Variants in NTAQ1 observed in about 807,000 individuals in gnomAD.
NTAQ1 encodes the protein protein N-terminal glutamine amidohydrolase.
A neutral mutation model predicts 28.2 loss-of-function variants in NTAQ1; 21 were observed. That is an observed-to-expected ratio of 0.74 (90% CI 0.53 to 1.07). The LOEUF (loss-of-function observed/expected upper bound fraction) is 1.07, where lower values mean the gene tolerates loss of function less well. Among genes scored for constraint, NTAQ1 ranks in the 50% least tolerant of loss-of-function variants. The pLI is 0.00. For synonymous variants in NTAQ1, 105 were observed against 90.0 expected, an observed-to-expected ratio of 1.17 and a Z score of -0.94; for missense variants, 264 against 256.6, an observed-to-expected ratio of 1.03 and a Z score of -0.20.
chr8:123,466,096 G>A (rs1349928651), intron 6 of NTAQ1, among the ~76,000 whole-genome samples: 1 of 152,158 alleles, frequency 6.6e-6, no homozygotes, highest in Non-Finnish European at 1.5e-5. Context: ...AGAACCAGGG[G>A]CTGAGGGCAA....
chr8:123,463,611 G>A (rs1010554370), intron 6 of NTAQ1, among the ~76,000 whole-genome samples: 2 of 152,204 alleles, frequency 1.3e-5, no homozygotes, highest in African/African-American at 2.4e-5. Flanking sequence ...TGAGATTGAC[G>A]TGGTATACAG....
exon 7 of NTAQ1, chr8:123,467,315 A>G (rs999831317): frequency 2.0e-5 from 3 of 152,028 alleles, no homozygotes; most frequent in African/African-American, 4.8e-5. Flanking sequence ...GGATTACAGG[A>G]ATGAGCCACT....
At chr8:123,459,308 G>A (rs954071978) in intron 6 of NTAQ1, among the ~76,000 whole-genome samples, 7 of 152,096 alleles carry the variant, frequency 4.6e-5, no homozygotes, top group African/African-American at 1.7e-4. Flanking sequence ...AGGGTCCTGA[G>A]TGCAGGAGCT....
At position 123,437,334 on chromosome 8, in the gene NTAQ1, G is replaced by A; in HGVS notation, c.508G>A (p.Asp170Asn). 6.2e-7 allele frequency: 1 copy of A among 1,613,932 alleles called. No individual in the cohort carries two copies. Among genetic ancestry groups the A allele is most frequent in the Non-Finnish European group, 8.5e-7 (1 of 1,179,858 alleles). Residue 170 changes from aspartate to asparagine, a missense_variant and splice_region_variant, in exon 5 of 6, where the codon GAT (aspartate) becomes AAT (asparagine). Asp to Asn is a conservative substitution (Grantham distance 23). Transcript: ENST00000287387. ...GCCATATCCCTGCATTGAGACTGGA[G>A]GTGAGCCAAGATGCCTTCTCAGATG... ...PPPYPCIETG[D>N]SKMNLNDFIS...
chr8:123,426,626 A>C (rs1814068301), intron 1 of NTAQ1, among the ~76,000 whole-genome samples: 1 of 151,528 alleles, frequency 6.6e-6, no homozygotes, highest in Admixed American at 6.6e-5. Flanking sequence ...GAGCCACTGC[A>C]CTTCATTCAG....
At chr8:123,461,748 A>C (rs966514801) in intron 6 of NTAQ1, among the ~76,000 whole-genome samples, 1 of 152,172 alleles carries the variant, frequency 6.6e-6, no homozygotes, top group African/African-American at 2.4e-5. Context: ...CTTAATAAGG[A>C]TTTATTGAAA....
chr8:123,440,752 C>T (rs912334860), intron 5 of NTAQ1, among the ~76,000 whole-genome samples: 7 of 151,714 alleles, frequency 4.6e-5, no homozygotes, highest in Admixed American at 1.3e-4. Flanking sequence ...CTGCCCACCT[C>T]GGCCTCCCAA....
chr8:123,435,047 G>A (rs1162171794), intron 3 of NTAQ1, among the ~76,000 whole-genome samples: 2 of 152,186 alleles, frequency 1.3e-5, no homozygotes, highest in Admixed American at 6.5e-5. Context: ...ATTTGAGAAA[G>A]AAAGTGCCTT....
chr8:123,463,649 C>T (rs1281661696), intron 6 of NTAQ1, among the ~76,000 whole-genome samples: 1 of 152,090 alleles, frequency 6.6e-6, no homozygotes, highest in Non-Finnish European at 1.5e-5. Flanking sequence ...AGGTTAGGTT[C>T]CTCGTAAAAG....
intron 6 of NTAQ1, among the ~76,000 whole-genome samples, chr8:123,447,471 A>G (rs1309726622): frequency 6.6e-6 from 1 of 152,176 alleles, no homozygotes. Context: ...TCTAGAAGTC[A>G]TTGTATGCCA....
chr8:123,432,246 GC>G (rs757892952), intron 3 of NTAQ1, among the ~76,000 whole-genome samples: 2 of 152,300 alleles, frequency 1.3e-5, no homozygotes, highest in African/African-American at 4.8e-5. Context: ...CTAATGTGTA[GC>G]CAGACTACAT....
intron 6 of NTAQ1, among the ~76,000 whole-genome samples, chr8:123,459,632 C>T (rs1291825808): frequency 6.6e-6 from 1 of 151,920 alleles, no homozygotes; most frequent in African/African-American, 2.4e-5. Flanking sequence ...GTCAGGTGTT[C>T]CTATTACTCA....
chr8:123,454,800 A>G (rs1815600760), intron 6 of NTAQ1, among the ~76,000 whole-genome samples: 1 of 152,036 alleles, frequency 6.6e-6, no homozygotes, highest in Admixed American at 6.6e-5. Context: ...AAGATCACCT[A>G]CCCCTGGGGA....
intron 6 of NTAQ1, among the ~76,000 whole-genome samples, chr8:123,456,725 G>T (rs1324838835): frequency 6.6e-6 from 1 of 152,214 alleles, no homozygotes; most frequent in Non-Finnish European, 1.5e-5. Context: ...TCACTTAAAT[G>T]ATTTTTACAC....
In NTAQ1 at chr8:123,429,963, A is replaced by T. The variant is rs914886637; in HGVS notation, c.184-20A>T. 6.3e-7 allele frequency: 1 copy of T among 1,587,140 alleles called. No individual in the cohort carries two copies. The highest frequency in any genetic ancestry group is 8.6e-7 in the Non-Finnish European group (1 of 1,166,456). On this transcript the variant is annotated intron_variant, in intron 2 of 5. Coordinates refer to ENST00000287387, the MANE Select transcript of NTAQ1 (RefSeq NM_018024.3). ...GGTTTAACTAAAGGTATGGCTTACG[A>T]AATGTATTGTATTTTGTAGATACCT...
intron 6 of NTAQ1, among the ~76,000 whole-genome samples, chr8:123,459,584 G>A (rs1210330275): frequency 1.3e-5 from 2 of 152,064 alleles, no homozygotes; most frequent in African/African-American, 2.4e-5. Flanking sequence ...AAAAAAAGAT[G>A]TTCCTCAGAA....
chr8:123,449,968 T>TG (rs1474263376), downstream of NTAQ1, among the ~76,000 whole-genome samples: 87 of 64,468 alleles, frequency 1.3e-3, 25 homozygotes, highest in South Asian at 0.04. Context: ...TATATATATA[T>TG]ATATATGCTG....
chr8:123,433,639 G>A (rs1009205328), intron 3 of NTAQ1, among the ~76,000 whole-genome samples: 3 of 152,002 alleles, frequency 2.0e-5, no homozygotes, highest in African/African-American at 7.3e-5. Flanking sequence ...GTAGAGACGG[G>A]GTCTCACTAT....
In NTAQ1 at chr8:123,441,373, A is replaced by C. The variant is rs374504846; in HGVS notation, c.576A>C (p.Thr192=). 6.2e-7 allele frequency: 1 copy of C among 1,611,960 alleles called. No homozygotes were observed. Among genetic ancestry groups the C allele is most frequent in the South Asian group, 1.1e-5 (1 of 90,750 alleles). The change falls in exon 6 of 6, where the codon ACA becomes ACC. Residue 192 remains threonine (T), a synonymous_variant. Coordinates refer to ENST00000287387, the MANE Select transcript of NTAQ1 (RefSeq NM_018024.3). ...DPKVGWGAVY[T]LSEFTHRFGS... ...AGGTAGGATGGGGCGCCGTCTACAC[A>C]CTATCCGAATTTACACATCGGTTTG...
Sources: gnomAD v4.1 joint callset for allele counts (sites outside exome capture counted in the v4.1 genomes callset) on GRCh38, gnomAD v4.1.1 for gene constraint, MANE v1.5 for transcripts, NCBI Gene and HGNC (gene_info 2026-07-23, HGNC 2026-07-21) for gene names.